STON1: variants seen among roughly 807,000 people sequenced by gnomAD.
STON1 encodes stonin 1, also known as stonin-1.
In STON1, 79 loss-of-function variants were observed where a neutral mutation model predicts 60.9. That is an observed-to-expected ratio of 1.30 (90% confidence interval 1.08 to 1.56). STON1 has a LOEUF of 1.56. Among genes scored for constraint, STON1 ranks in the 40% most tolerant of loss-of-function variants. The probability of loss-of-function intolerance (pLI) is 0.00; values close to 1 mark genes in which losing one functional copy is unlikely to be tolerated. For missense variants in STON1, 1,166 were observed against 858.9 expected (o/e 1.36, Z -4.47); for synonymous variants, 363 against 306.9 (o/e 1.18, Z -1.91).
chr2:48,572,756 C>T (rs1031140053), intron 1 of STON1, among the ~76,000 whole-genome samples: 1 of 152,168 alleles, frequency 6.6e-6, no homozygotes, highest in African/African-American at 2.4e-5. Flanking sequence ...GCTCTCACCC[C>T]TATAGGAGGG....
chr2:48,547,358 G>C (rs1558578726), intron 1 of STON1, among the ~76,000 whole-genome samples: 1 of 152,130 alleles, frequency 6.6e-6, no homozygotes, highest in Non-Finnish European at 1.5e-5. Flanking sequence ...GTGTGTTCAT[G>C]ACAGGCCCTT....
intron 1 of STON1, 65 bp from the exon 2 acceptor site, chr2:48,580,522 A>G (rs1471405328): frequency 3.1e-6 from 4 of 1,285,406 alleles, no homozygotes; most frequent in Non-Finnish European, 4.0e-6. Context: ...AAGTAAAGAC[A>G]TTTAGTAATG....
At chr2:48,542,096 T>A (rs1437317231) in intron 1 of STON1, among the ~76,000 whole-genome samples, 1 of 152,240 alleles carries the variant, frequency 6.6e-6, no homozygotes, top group African/African-American at 2.4e-5. Flanking sequence ...CTGTTTCTGC[T>A]GGGCATGCAT....
chr2:48,585,908 C>T (rs893313732), intron 2 of STON1, among the ~76,000 whole-genome samples: 1 of 152,238 alleles, frequency 6.6e-6, no homozygotes, highest in Non-Finnish European at 1.5e-5. Flanking sequence ...TTTGCATAGA[C>T]TTGAAGTGGT....
intron 1 of STON1, among the ~76,000 whole-genome samples, chr2:48,565,529 T>C (rs1420273020): frequency 6.6e-6 from 1 of 152,104 alleles, no homozygotes; most frequent in Admixed American, 6.5e-5. Flanking sequence ...GAGCAGGGAA[T>C]TGGGCACAGG....
intron 1 of STON1, among the ~76,000 whole-genome samples, chr2:48,576,528 T>A (rs2103892659): frequency 6.7e-6 from 1 of 150,126 alleles, no homozygotes; most frequent in South Asian, 2.1e-4. Context: ...AAGAAAATAA[T>A]GGCCATTCTA....
At chr2:48,537,828 C>A (rs371077922) in intron 1 of STON1, among the ~76,000 whole-genome samples, 1 of 127,262 alleles carries the variant, frequency 7.9e-6, no homozygotes, top group Non-Finnish European at 1.6e-5. Context: ...CCAGACTGGG[C>A]GACAGAGCAA....
chr2:48,531,400 G>A (rs1671206113), intron 1 of STON1: 1 of 152,216 alleles, frequency 6.6e-6, no homozygotes, highest in Non-Finnish European at 1.5e-5. Flanking sequence ...TAATCCTGAG[G>A]CTATGGACTC....
chr2:48,594,463 T>G (rs992988394), intron 3 of STON1, among the ~76,000 whole-genome samples: 1 of 152,218 alleles, frequency 6.6e-6, no homozygotes, highest in Non-Finnish European at 1.5e-5. Context: ...TGCCAGATAC[T>G]GCTCCACATG....
At chr2:48,535,870 T>C (rs1671405782) in intron 1 of STON1, among the ~76,000 whole-genome samples, 2 of 152,110 alleles carry the variant, frequency 1.3e-5, no homozygotes, top group African/African-American at 4.8e-5. Flanking sequence ...GCTGATCGCT[T>C]GAGCTCAGGA....
intron 2 of STON1, among the ~76,000 whole-genome samples, chr2:48,587,413 C>T (rs1480772053): frequency 6.6e-6 from 1 of 152,204 alleles, no homozygotes; most frequent in Non-Finnish European, 1.5e-5. Context: ...CTGCCTCAGC[C>T]TCCCAAGTAG....
At chr2:48,594,577 A>AAATG (rs1674696493) in intron 3 of STON1, among the ~76,000 whole-genome samples, 1 of 152,150 alleles carries the variant, frequency 6.6e-6, no homozygotes, top group Admixed American at 6.5e-5. Flanking sequence ...ATAAATAAAT[A>AAATG]AATATGATTT....
chr2:48,564,506 TC>T (rs1672808149), intron 1 of STON1, among the ~76,000 whole-genome samples: 2 of 27,318 alleles, frequency 7.3e-5, no homozygotes, highest in Non-Finnish European at 1.4e-4. Flanking sequence ...TTCTTCTTCT[TC>T]TTCTTCTTCT....
chr2:48,573,928 A>G (rs986885035), intron 1 of STON1, among the ~76,000 whole-genome samples: 3 of 152,228 alleles, frequency 2.0e-5, no homozygotes, highest in Non-Finnish European at 2.9e-5. Flanking sequence ...CACAAAAGCC[A>G]TATGTTGTAT....
intron 1 of STON1, among the ~76,000 whole-genome samples, chr2:48,577,586 AAAAAAAAG>A (rs1369040244): frequency 6.6e-6 from 1 of 151,738 alleles, no homozygotes; most frequent in African/African-American, 2.4e-5. Flanking sequence ...GTCTCATAAA[AAAAAAAAG>A]AAAAAAAAAC....
chr2:48,548,464 G>T (rs1240497324), intron 1 of STON1, among the ~76,000 whole-genome samples: 1 of 150,844 alleles, frequency 6.6e-6, no homozygotes, highest in Non-Finnish European at 1.5e-5. Context: ...TGCTTTCTCT[G>T]TCTTTTGTTT....
At position 48,580,506 on chromosome 2, in the gene STON1, T is replaced by C. The variant is rs984461498; in HGVS notation, c.-47-81T>C. 15 of 1,245,210 alleles carry C rather than the reference T, an allele frequency of 1.2e-5. No homozygotes were observed. In the African/African-American group the frequency reaches 2.2e-4, roughly 18 times the overall value. The allele number at this position is 1,245,210 out of a possible 1,614,324, so 77.1% of individuals were successfully genotyped here. ...AACAGAATTATAATTTTTAAGCATT[T>C]ATCAGAAGTAAAGACATTTAGTAAT... is the stretch of plus-strand genomic sequence containing the variant. On this transcript the variant is annotated intron_variant, in intron 1 of 3. Coordinates refer to ENST00000404752, the MANE Select transcript of STON1 (RefSeq NM_006873.4).
At chr2:48,575,510 G>A (rs906611891) in intron 1 of STON1, among the ~76,000 whole-genome samples, 27 of 151,828 alleles carry the variant, frequency 1.8e-4, no homozygotes, top group East Asian at 9.8e-4. Flanking sequence ...AAAATTAGCC[G>A]GGCATGGTGG....
intron 2 of STON1, among the ~76,000 whole-genome samples, chr2:48,585,339 C>A (rs1263182972): frequency 7.9e-5 from 12 of 151,962 alleles, no homozygotes; most frequent in African/African-American, 2.9e-4. Context: ...CCGCTGCCTC[C>A]TGGGTTCAAG....
Sources: gnomAD v4.1 joint callset for allele counts (sites outside exome capture counted in the v4.1 genomes callset) on GRCh38, gnomAD v4.1.1 for gene constraint, MANE v1.5 for transcripts, NCBI Gene and HGNC (gene_info 2026-07-23, HGNC 2026-07-21) for gene names.